RBFOX1: variants seen among roughly 807,000 people sequenced by gnomAD.
RBFOX1 encodes RNA binding protein fox-1 homolog 1.
Under a neutral mutation model 57.7 loss-of-function variants are expected in RBFOX1, and 8 were observed. The ratio of observed to expected loss-of-function variants is 0.14; its 90% CI spans 0.08 to 0.25. RBFOX1 has a LOEUF of 0.25. Ranked by LOEUF, RBFOX1 falls within the 10% of genes least tolerant of loss-of-function variation. The pLI, the probability that RBFOX1 is intolerant of heterozygous loss-of-function variation, is 1.00. For missense variants in RBFOX1, 611 were observed against 548.5 expected (o/e 1.11, Z -1.14); for synonymous variants, 326 against 222.4 (o/e 1.47, Z -4.15).
intron 3 of RBFOX1, chr16:6,705,260 C>G (rs887368495): frequency 2.6e-5 from 4 of 152,152 alleles, no homozygotes; most frequent in African/African-American, 4.8e-5. Context: ...AGTGAGGTTA[C>G]TCAAAACATA....
intron 3 of RBFOX1, among the ~76,000 whole-genome samples, chr16:5,637,969 C>G (rs1479425037): frequency 6.6e-6 from 1 of 152,232 alleles, no homozygotes; most frequent in African/African-American, 2.4e-5. Flanking sequence ...TCAAGTATTT[C>G]TACTCTGATG....
At chr16:6,717,886 C>T (rs1305266907) in intron 3 of RBFOX1, among the ~76,000 whole-genome samples, 1 of 152,102 alleles carries the variant, frequency 6.6e-6, no homozygotes, top group East Asian at 1.9e-4. Context: ...GGATATGTGT[C>T]TACACTGGTT....
intron 4 of RBFOX1, among the ~76,000 whole-genome samples, chr16:7,139,651 T>C (rs2073106244): frequency 6.6e-6 from 1 of 152,116 alleles, no homozygotes; most frequent in African/African-American, 2.4e-5. Context: ...ACAGTTTCAG[T>C]TTTTGGTAAA....
chr16:6,475,511 A>G (rs1184528132), intron 2 of RBFOX1, among the ~76,000 whole-genome samples: 1 of 152,234 alleles, frequency 6.6e-6, no homozygotes, highest in East Asian at 1.9e-4. Context: ...GCATTTGTCT[A>G]TTAGAAAACG....
At chr16:6,815,840 C>G (rs1181686367) in intron 3 of RBFOX1, among the ~76,000 whole-genome samples, 1 of 152,160 alleles carries the variant, frequency 6.6e-6, no homozygotes, top group Admixed American at 6.5e-5. Flanking sequence ...GCTTAATTCT[C>G]ACAACATTTG....
At chr16:6,830,593 A>C (rs926029215) in intron 3 of RBFOX1, among the ~76,000 whole-genome samples, 5 of 152,182 alleles carry the variant, frequency 3.3e-5, no homozygotes, top group South Asian at 4.1e-4. Context: ...TGATGTTGAC[A>C]TCTAGTTGGT....
In RBFOX1 at chr16:6,422,807, C is replaced by T. The variant is rs144370665; in HGVS notation, c.-64+105750C>T. 1.8e-3 allele frequency among the ~76,000 whole-genome samples: 268 copies of T among 152,266 alleles called. 1 individual carries two copies. Among genetic ancestry groups the T allele is most frequent in the African/African-American group, 6.2e-3 (257 of 41,548 alleles). On this transcript the variant is annotated intron_variant, in intron 2 of 15. Coordinates refer to ENST00000550418, the MANE Select transcript of RBFOX1 (RefSeq NM_018723.4). Reference sequence around the variant, plus strand: ...TGAGCCAACCACCTCCCACCAGGCCCCACCTCCAACATTGGAGACCACAAT... The same window carrying T: ...TGAGCCAACCACCTCCCACCAGGCCTCACCTCCAACATTGGAGACCACAAT...
At chr16:5,447,055 C>T (rs984646948) in intron 1 of RBFOX1, among the ~76,000 whole-genome samples, 5 of 151,844 alleles carry the variant, frequency 3.3e-5, no homozygotes, top group African/African-American at 1.2e-4. Flanking sequence ...AATCTCTAAG[C>T]AAACAAACCA....
intron 2 of RBFOX1, among the ~76,000 whole-genome samples, chr16:6,392,598 C>T (rs1458476753): frequency 6.6e-6 from 1 of 152,022 alleles, no homozygotes; most frequent in South Asian, 2.1e-4. Context: ...TGGTAATATC[C>T]CTTTGCTCTC....
chr16:7,062,092 C>T (rs536731415), intron 4 of RBFOX1, among the ~76,000 whole-genome samples: 5 of 152,028 alleles, frequency 3.3e-5, no homozygotes, highest in Non-Finnish European at 1.5e-5. Context: ...CTGAGGTGGG[C>T]TGATCAGCAG....
At chr16:7,088,310 G>A (rs909387898) in intron 4 of RBFOX1, among the ~76,000 whole-genome samples, 43 of 152,214 alleles carry the variant, frequency 2.8e-4, no homozygotes, top group African/African-American at 9.6e-4. Context: ...AGTAGTGATG[G>A]CTTTGTTTAT....
At chr16:6,219,528 T>C (rs2097358054) in intron 1 of RBFOX1, among the ~76,000 whole-genome samples, 1 of 152,166 alleles carries the variant, frequency 6.6e-6, no homozygotes, top group Non-Finnish European at 1.5e-5. Flanking sequence ...AAGGAAATTA[T>C]TGTATGGAGT....
At chr16:6,979,601 C>G (rs558309318) in intron 3 of RBFOX1, among the ~76,000 whole-genome samples, 1 of 152,290 alleles carries the variant, frequency 6.6e-6, no homozygotes, top group East Asian at 1.9e-4. Context: ...AGGGGTGTGA[C>G]TCTTTCATTC....
chr16:6,889,134 C>T lies in RBFOX1; in HGVS notation c.-15-162923C>T, dbSNP rs2064834614. On this transcript the variant is annotated intron_variant, in intron 3 of 15. Transcript: ENST00000550418. ...TTCCAAAAAACCTGGCTTCAAATCTCCAATCTATTACTGTAACATTCAGTA... is the reference window on the plus strand; with the variant it reads ...TTCCAAAAAACCTGGCTTCAAATCTTCAATCTATTACTGTAACATTCAGTA... 1.3e-5 allele frequency among the ~76,000 whole-genome samples: 2 copies of T among 152,174 alleles called. 1 individual carries two copies. The highest frequency in any genetic ancestry group is 4.1e-4 in the South Asian group (2 of 4,832).
At position 7,536,600 on chromosome 16, in the gene RBFOX1, AT is replaced by A. The variant is rs1233233626; in HGVS notation, c.270+18212del. Among the ~76,000 whole-genome samples, 8 of 152,202 alleles carry A rather than the reference AT, an allele frequency of 5.3e-5. 1 individual carries two copies. Among genetic ancestry groups the A allele is most frequent in the Admixed American group, 4.6e-4 (7 of 15,286 alleles). ...CACAGTGAGACTTCGTCTCAAAAAA[AT>A]AATAATAATTAATAAATAAAAGAAA... is the stretch of plus-strand genomic sequence containing the variant. On this transcript the variant is annotated intron_variant, in intron 5 of 15. Transcript: ENST00000550418.
chr16:6,197,510 C>G (rs906389993), intron 1 of RBFOX1, among the ~76,000 whole-genome samples: 1 of 152,170 alleles, frequency 6.6e-6, no homozygotes, highest in Non-Finnish European at 1.5e-5. Flanking sequence ...TGGTTAATTC[C>G]CATCAACTAA....
chr16:5,563,578 TGAG>T (rs2045961668), intron 2 of RBFOX1, among the ~76,000 whole-genome samples: 1 of 152,206 alleles, frequency 6.6e-6, no homozygotes, highest in Non-Finnish European at 1.5e-5. Context: ...TTGATGCTGT[TGAG>T]TTGTGCTGAA....
At chr16:5,981,449 T>A (rs1056438766) in intron 4 of RBFOX1, among the ~76,000 whole-genome samples, 6 of 152,198 alleles carry the variant, frequency 3.9e-5, no homozygotes, top group Non-Finnish European at 7.3e-5. Context: ...TCTTTCCTTC[T>A]GAAGTTGTGT....
chr16:5,657,052 A>G (rs1295948572), intron 3 of RBFOX1, among the ~76,000 whole-genome samples: 1 of 152,218 alleles, frequency 6.6e-6, no homozygotes, highest in Admixed American at 6.5e-5. Context: ...ATACCTGTGT[A>G]ACAGACCTAC....
Sources: allele counts gnomAD v4.1 joint callset (sites outside exome capture counted in the v4.1 genomes callset), GRCh38; gene constraint gnomAD v4.1.1; transcripts MANE v1.5; gene names NCBI Gene and HGNC (gene_info 2026-07-23, HGNC 2026-07-21).